The following TBK1 variants were observed in gnomAD, a reference collection of about 807,000 sequenced individuals.
The protein encoded by TBK1 is TANK binding kinase 1.
In TBK1, 37 loss-of-function variants were observed where a neutral mutation model predicts 99.9. The observed-to-expected ratio is 0.37, with a 90% CI of 0.28 to 0.49. The LOEUF (loss-of-function observed/expected upper bound fraction) is 0.49. TBK1 is among the 20% of genes least tolerant of loss of function. The pLI is 0.98. For synonymous variants in TBK1, 258 were observed against 279.8 expected (o/e 0.92, Z 0.78); for missense variants, 644 against 872.5 (o/e 0.74, Z 3.30).
intron 3 of TBK1, among the ~76,000 whole-genome samples, chr12:64,460,713 A>C (rs139000280): frequency 0.087 from 13,199 of 151,456 alleles, 774 homozygotes; most frequent in Middle Eastern, 0.21. Flanking sequence ...GCGCACCTGT[A>C]GTTCCAGCTA....
At chr12:64,471,901 C>T (rs1421945183) in intron 5 of TBK1, among the ~76,000 whole-genome samples, 1 of 152,138 alleles carries the variant, frequency 6.6e-6, no homozygotes, top group East Asian at 1.9e-4. Context: ...TATTATTGCA[C>T]CGTGTGAGGA....
intron 10 of TBK1, 67 bp downstream of exon 10, chr12:64,485,580 A>G (rs905003607): frequency 1.3e-6 from 1 of 790,152 alleles, no homozygotes; most frequent in Non-Finnish European, 2.0e-6. Context: ...AGTGGAAGCA[A>G]TAACATGTAT....
intron 6 of TBK1, among the ~76,000 whole-genome samples, chr12:64,475,546 T>C (rs1592363348): frequency 6.6e-6 from 1 of 152,208 alleles, no homozygotes; most frequent in South Asian, 2.1e-4. Context: ...TATGATGGGC[T>C]CCACAGCACA....
intron 6 of TBK1, 44 bp from the exon 7 acceptor site, chr12:64,479,968 C>A: frequency 1.4e-6 from 2 of 1,435,518 alleles, no homozygotes; most frequent in African/African-American, 1.4e-5. Flanking sequence ...ATAAGTCATG[C>A]AAAAATGAAC....
At chr12:64,455,734 G>A (rs949168159) in intron 1 of TBK1, 106 bp from the exon 2 acceptor site, 2 of 627,330 alleles carry the variant, frequency 3.2e-6, no homozygotes, top group Non-Finnish European at 5.7e-6. Context: ...CTTCATGTCA[G>A]TAACAGATAA....
At chr12:64,477,293 A>G (rs1592364603) in intron 6 of TBK1, among the ~76,000 whole-genome samples, 1 of 152,188 alleles carries the variant, frequency 6.6e-6, no homozygotes, top group African/African-American at 2.4e-5. Context: ...CTTCCAACCC[A>G]TGCGCATGGA....
At chr12:64,496,582 T>C (rs2040926677) in intron 16 of TBK1, among the ~76,000 whole-genome samples, 176 bp downstream of exon 16, 1 of 152,196 alleles carries the variant, frequency 6.6e-6, no homozygotes, top group Admixed American at 6.5e-5. Context: ...TGCTCCCTAA[T>C]TGGGAAGTTA....
At chr12:64,491,178 T>C (rs954368047) in intron 13 of TBK1, among the ~76,000 whole-genome samples, 2 of 152,140 alleles carry the variant, frequency 1.3e-5, no homozygotes, top group Admixed American at 1.3e-4. Context: ...CTCCCAGACC[T>C]GCCCCATTTA....
intron 15 of TBK1, 140 bp downstream of exon 15, chr12:64,495,915 GTTGA>G (rs2040920540): frequency 1.9e-6 from 1 of 519,986 alleles, no homozygotes; most frequent in South Asian, 3.5e-5. Context: ...CAGGAAAAAG[GTTGA>G]TTGTGTTAAA....
intron 6 of TBK1, among the ~76,000 whole-genome samples, chr12:64,475,875 T>C (rs757628544): frequency 1.3e-5 from 2 of 152,182 alleles, no homozygotes; most frequent in Non-Finnish European, 2.9e-5. Flanking sequence ...TTTGGTTATA[T>C]ACCCAGCAAT....
intron 5 of TBK1, among the ~76,000 whole-genome samples, chr12:64,469,926 C>T (rs1368221147): frequency 1.3e-5 from 2 of 152,152 alleles, no homozygotes; most frequent in Non-Finnish European, 2.9e-5. Flanking sequence ...GCTCAGGACA[C>T]TACTGTTCCC....
Position 64,497,958 on chromosome 12 carries a change from A to G in TBK1, c.2067-10A>G. On this transcript the variant is annotated splice_polypyrimidine_tract_variant and intron_variant, in intron 19 of 20. Coordinates refer to ENST00000331710, the MANE Select transcript of TBK1 (RefSeq NM_013254.4). ...TGTTTTTGAGCAAAGGTGCTTGTTTATTTTATTAGTATGAAGAAATTAAAG... is the reference window on the plus strand; with the variant it reads ...TGTTTTTGAGCAAAGGTGCTTGTTTGTTTTATTAGTATGAAGAAATTAAAG... The G allele has an allele frequency of 6.2e-7, 1 of 1,606,018 alleles. No individual in the cohort carries two copies. Among genetic ancestry groups the G allele is most frequent in the Non-Finnish European group, 8.5e-7 (1 of 1,176,796 alleles).
chr12:64,468,567 T>C (rs2040629817), intron 5 of TBK1, among the ~76,000 whole-genome samples: 1 of 152,136 alleles, frequency 6.6e-6, no homozygotes, highest in African/African-American at 2.4e-5. Context: ...GCCTACTATA[T>C]ACCAGATACT....
At chr12:64,474,491 A>G (rs1445961358) in intron 6 of TBK1, 101 bp downstream of exon 6, 2 of 1,173,508 alleles carry the variant, frequency 1.7e-6, no homozygotes, top group African/African-American at 3.1e-5. Context: ...AAATTGATTT[A>G]ACAATCATTT....
At chr12:64,455,566 A>T (rs188998180) in intron 1 of TBK1, among the ~76,000 whole-genome samples, 344 of 152,336 alleles carry the variant, frequency 2.3e-3, no homozygotes, top group South Asian at 6.2e-3. Flanking sequence ...AAAAATCTAC[A>T]TTGGCTAGAA....
chr12:64,491,433 C>A (rs1030073663), intron 13 of TBK1, among the ~76,000 whole-genome samples: 1 of 151,964 alleles, frequency 6.6e-6, no homozygotes, highest in African/African-American at 2.4e-5. Flanking sequence ...CCAGCCTGGG[C>A]AACATGATGA....
chr12:64,476,150 CTTTTTTTTTTTTT>C lies in TBK1; in HGVS notation c.701+1773_701+1785del, dbSNP rs59104364. On this transcript the variant is annotated intron_variant, in intron 6 of 20. Transcript: ENST00000331710. ...GTTTGTTGGCAGCTTGCGTAGTCTTCTTTTTTTTTTTTTTTTTTTTTTTTTGAGATGGAGTCTC... is the reference window on the plus strand; with the variant it reads ...GTTTGTTGGCAGCTTGCGTAGTCTTCTTTTTTTTTTTTGAGATGGAGTCTC... 7.7e-5 allele frequency among the ~76,000 whole-genome samples: 4 copies of C among 51,862 alleles called. No homozygotes were observed. The East Asian group carries it at 1.9e-3, about 25-fold the overall frequency. 34.0% of individuals were successfully genotyped at this position (51,862 alleles called of 152,430 possible).
intron 13 of TBK1, among the ~76,000 whole-genome samples, chr12:64,493,042 T>C (rs1262246056): frequency 1.3e-5 from 2 of 151,742 alleles, no homozygotes; most frequent in African/African-American, 2.4e-5. Flanking sequence ...ACTACAGGCT[T>C]CCACCACCAG....
At chr12:64,466,694 T>A (rs1395671909) in intron 4 of TBK1, among the ~76,000 whole-genome samples, 1 of 151,936 alleles carries the variant, frequency 6.6e-6, no homozygotes, top group African/African-American at 2.4e-5. Context: ...ACCACATTAA[T>A]TTTTATCATT....
Sources: gnomAD v4.1 joint callset for allele counts (sites outside exome capture counted in the v4.1 genomes callset) on GRCh38, gnomAD v4.1.1 for gene constraint, MANE v1.5 for transcripts, NCBI Gene and HGNC (gene_info 2026-07-23, HGNC 2026-07-21) for gene names.